Variants in HAO2 observed in about 807,000 individuals in gnomAD.
HAO2 encodes the protein 2-Hydroxyacid oxidase 2.
HAO2 carries 42 observed loss-of-function variants against 37.4 expected under a neutral mutation model. That is an observed-to-expected ratio of 1.12 (90% CI 0.88 to 1.45). The LOEUF is 1.45. Among genes scored for constraint, HAO2 ranks in the 40% most tolerant of loss-of-function variants. The pLI is 0.00. For synonymous variants in HAO2, 180 were observed against 162.8 expected (o/e 1.11, Z -0.81); for missense variants, 476 against 430.2 (o/e 1.11, Z -0.94).
intron 4 of HAO2, 87 bp downstream of exon 4, chr1:119,385,140 C>A: frequency 6.6e-7 from 1 of 1,522,196 alleles, no homozygotes; most frequent in Admixed American, 1.9e-5. Context: ...TCTTTCTTTC[C>A]ACAGGCATTT....
intron 1 of HAO2, among the ~76,000 whole-genome samples, chr1:119,376,202 A>G (rs779697570): frequency 9.3e-4 from 142 of 152,326 alleles, no homozygotes; most frequent in Admixed American, 1.9e-3. Context: ...TTGGGTAAAT[A>G]CCGCCATTCC....
At chr1:119,390,565 G>A (rs896839914) in intron 5 of HAO2, among the ~76,000 whole-genome samples, 1 of 152,194 alleles carries the variant, frequency 6.6e-6, no homozygotes, top group Non-Finnish European at 1.5e-5. Flanking sequence ...TTTTTATGAT[G>A]TTGTGAAAGA....
At chr1:119,375,221 GAT>G (rs1649351077) in intron 1 of HAO2, among the ~76,000 whole-genome samples, 1 of 152,128 alleles carries the variant, frequency 6.6e-6, no homozygotes, top group African/African-American at 2.4e-5. Context: ...AAAACCATTA[GAT>G]TACTTGAATC....
chr1:119,377,085 T>C (rs1246659466), intron 1 of HAO2, among the ~76,000 whole-genome samples: 1 of 152,252 alleles, frequency 6.6e-6, no homozygotes, highest in East Asian at 1.9e-4. Context: ...TTCCAGACTT[T>C]TATTATGCTC....
intron 1 of HAO2, among the ~76,000 whole-genome samples, chr1:119,377,537 G>T (rs1196719388): frequency 1.3e-5 from 2 of 152,050 alleles, no homozygotes; most frequent in Non-Finnish European, 2.9e-5. Context: ...ACATTTTCGG[G>T]TATCTTTATA....
Position 119,393,943 on chromosome 1 carries a change from G to T in HAO2, c.*103G>T, listed in dbSNP as rs587675167. 8 of 1,583,144 alleles carry T rather than the reference G, an allele frequency of 5.1e-6. No individual in the cohort carries two copies. The African/African-American group carries it at 9.5e-5, about 19-fold the overall frequency. On this transcript the variant is annotated 3_prime_UTR_variant, in exon 8 of 8. Transcript: ENST00000325945. ...TCCTTCCTGGACCCCATTCTGTCCG[G>T]AGGCTCATGGCCCATATTTCCCACA...
rs115579735 is a variant in HAO2 at position 119,372,263 on chromosome 1, C to G, written c.-9+3361C>G. 2.0e-3 allele frequency among the ~76,000 whole-genome samples: 297 copies of G among 152,236 alleles called. 2 individuals carry two copies. Among genetic ancestry groups the G allele is most frequent in the African/African-American group, 6.8e-3 (283 of 41,526 alleles). ...TTTTAAAAATTTCTTGTATATGCAACTGATGAAGAAAAGTAGGCTTAATTA... is the reference window on the plus strand; with the variant it reads ...TTTTAAAAATTTCTTGTATATGCAAGTGATGAAGAAAAGTAGGCTTAATTA... On this transcript the variant is annotated intron_variant, in intron 1 of 7. Coordinates refer to ENST00000325945, the MANE Select transcript of HAO2 (RefSeq NM_016527.4).
At chr1:119,386,578 C>A (rs1557853167) in intron 4 of HAO2, 44 bp from the exon 5 acceptor site, 3 of 1,194,094 alleles carry the variant, frequency 2.5e-6, no homozygotes, top group East Asian at 2.3e-5. Flanking sequence ...CATCAAGTAG[C>A]CTTGTGAGAG....
intron 1 of HAO2, 114 bp from the exon 2 acceptor site, chr1:119,380,964 G>GAATAA: frequency 1.1e-6 from 1 of 895,218 alleles, no homozygotes; most frequent in South Asian, 1.5e-5. Context: ...TAAGAATACA[G>GAATAA]GGAGACCAAT....
At chr1:119,388,147 C>T (rs879280331) in intron 5 of HAO2, among the ~76,000 whole-genome samples, 56 of 152,138 alleles carry the variant, frequency 3.7e-4, no homozygotes, top group Non-Finnish European at 3.8e-4. Flanking sequence ...TCTCACCCAA[C>T]CCCTGCCAGG....
intron 2 of HAO2, among the ~76,000 whole-genome samples, chr1:119,381,707 A>G (rs1649959337): frequency 6.6e-6 from 1 of 152,184 alleles, no homozygotes; most frequent in Admixed American, 6.5e-5. Flanking sequence ...GCATCGGTCA[A>G]CCAACAGCAG....
chr1:119,389,944 C>A (rs1650743731), intron 5 of HAO2, among the ~76,000 whole-genome samples: 1 of 152,066 alleles, frequency 6.6e-6, no homozygotes, highest in South Asian at 2.1e-4. Flanking sequence ...AGTCCTTGAT[C>A]CATCTTGAGT....
At chr1:119,392,306 G>C in intron 6 of HAO2, 38 bp downstream of exon 6, 1 of 1,501,000 alleles carries the variant, frequency 6.7e-7, no homozygotes, top group Non-Finnish European at 9.1e-7. Flanking sequence ...AAGATACAGA[G>C]CTTCTCATTC....
At position 119,392,692 on chromosome 1, in the gene HAO2, G is replaced by A. The variant is rs983599201; in HGVS notation, c.1000+5G>A. On this transcript the variant is annotated splice_donor_5th_base_variant and intron_variant, in intron 7 of 7. Coordinates refer to ENST00000325945, the MANE Select transcript of HAO2 (RefSeq NM_016527.4). ...ACACTTCCATGGCCCTTACAGGTAAGTTAACATGTTTTCCCTGATTTGGAA... is the reference window on the plus strand; with the variant it reads ...ACACTTCCATGGCCCTTACAGGTAAATTAACATGTTTTCCCTGATTTGGAA... The A allele has an allele frequency of 7.6e-6, 12 of 1,569,022 alleles. No homozygotes were observed. The highest frequency in any genetic ancestry group is 9.7e-6 in the Non-Finnish European group (11 of 1,139,058).
rs587620223 is a variant in HAO2 at position 119,393,513 on chromosome 1, CAA to C, written c.1001-271_1001-270del. On this transcript the variant is annotated intron_variant, in intron 7 of 7. Coordinates refer to ENST00000325945, the MANE Select transcript of HAO2 (RefSeq NM_016527.4). ...AAAGATCAAAGACATCTATTGCACA[CAA>C]GAGTTGATTTAGAAAATGCTAAAAT... Among the ~76,000 whole-genome samples the C allele has an allele frequency of 1.4e-4, 21 of 152,200 alleles. No homozygotes were observed. The South Asian group carries it at 4.1e-3, about 30-fold the overall frequency.
intron 1 of HAO2, chr1:119,380,503 G>A (rs1023675625): frequency 2.4e-5 from 14 of 586,264 alleles, no homozygotes; most frequent in African/African-American, 2.3e-4. Context: ...GTAATCCACA[G>A]CTCCAGACAA....
intron 1 of HAO2, among the ~76,000 whole-genome samples, chr1:119,371,300 A>C (rs1374114275): frequency 6.6e-6 from 1 of 152,224 alleles, no homozygotes; most frequent in Non-Finnish European, 1.5e-5. Flanking sequence ...CATGGGGCTC[A>C]TACATACACT....
chr1:119,393,241 T>C (rs1357680980), intron 7 of HAO2, among the ~76,000 whole-genome samples: 2 of 152,124 alleles, frequency 1.3e-5, no homozygotes, highest in Non-Finnish European at 2.9e-5. Flanking sequence ...TGCCAGCTTC[T>C]CTTTCTCCCT....
At chr1:119,385,570 T>G (rs3207643) in intron 4 of HAO2, 216,389 of 976,908 alleles carry the variant, frequency 0.22, 25,747 homozygotes, top group Admixed American at 0.31. Context: ...TAGAGCTCAT[T>G]TGTGGAGCAC....
Sources: gnomAD v4.1 joint callset for allele counts (sites outside exome capture counted in the v4.1 genomes callset) on GRCh38, gnomAD v4.1.1 for gene constraint, MANE v1.5 for transcripts, NCBI Gene and HGNC (gene_info 2026-07-23, HGNC 2026-07-21) for gene names.